HPSE2: variants seen among roughly 807,000 people sequenced by gnomAD.
HPSE2 encodes heparanase 2 (inactive).
A neutral mutation model predicts 60.5 loss-of-function variants in HPSE2; 38 were observed. The ratio of observed to expected loss-of-function variants is 0.63; its 90% CI spans 0.48 to 0.82. The LOEUF (loss-of-function observed/expected upper bound fraction) is 0.82, where lower values mean the gene tolerates loss of function less well. Ranked by LOEUF, HPSE2 falls within the 40% of genes least tolerant of loss-of-function variation. HPSE2 has a pLI of 0.00. For missense variants in HPSE2, 713 were observed against 740.4 expected (o/e 0.96, Z 0.43); for synonymous variants, 295 against 293.2 (o/e 1.01, Z -0.06).
chr10:98,740,284 T>C (rs1949465880), intron 4 of HPSE2, among the ~76,000 whole-genome samples: 1 of 151,314 alleles, frequency 6.6e-6, no homozygotes, highest in African/African-American at 2.4e-5. Context: ...CAAGTGACCC[T>C]CCAGCCTCAG....
chr10:98,543,607 G>A (rs1162238293), intron 9 of HPSE2, among the ~76,000 whole-genome samples: 3 of 151,980 alleles, frequency 2.0e-5, no homozygotes, highest in South Asian at 2.1e-4. Context: ...AGACACACAT[G>A]GGCTCAAAAT....
At chr10:98,902,885 T>C (rs1219743076) in intron 3 of HPSE2, among the ~76,000 whole-genome samples, 1 of 152,062 alleles carries the variant, frequency 6.6e-6, no homozygotes, top group Non-Finnish European at 1.5e-5. Context: ...TTTCCTCAAA[T>C]GGGTAAACCA....
chr10:98,926,775 T>C (rs1030052267), intron 3 of HPSE2, among the ~76,000 whole-genome samples: 39 of 152,196 alleles, frequency 2.6e-4, no homozygotes, highest in Non-Finnish European at 2.1e-4. Context: ...CCCTTACTTA[T>C]CCTTATTTTT....
intron 3 of HPSE2, among the ~76,000 whole-genome samples, chr10:99,099,037 C>G (rs1843831873): frequency 6.6e-6 from 1 of 152,098 alleles, no homozygotes; most frequent in Non-Finnish European, 1.5e-5. Flanking sequence ...CAAATAGGAA[C>G]AGCTCCAGTC....
chr10:98,829,298 G>T (rs539945946), intron 3 of HPSE2, among the ~76,000 whole-genome samples: 2 of 152,132 alleles, frequency 1.3e-5, no homozygotes, highest in East Asian at 1.9e-4. Context: ...GGGAGGCCGA[G>T]GCAGGTGGAT....
At chr10:98,958,920 C>T (rs1471829419) in intron 3 of HPSE2, among the ~76,000 whole-genome samples, 2 of 152,068 alleles carry the variant, frequency 1.3e-5, no homozygotes, top group Non-Finnish European at 2.9e-5. Context: ...GTACTGGCTC[C>T]AACCACTGCT....
intron 3 of HPSE2, among the ~76,000 whole-genome samples, chr10:98,876,926 C>G (rs1952892528): frequency 2.0e-5 from 3 of 151,850 alleles, no homozygotes; most frequent in Admixed American, 2.0e-4. Context: ...AATCTCATTA[C>G]TTAATATCCT....
chr10:98,523,520 T>C (rs2133780149), intron 9 of HPSE2, among the ~76,000 whole-genome samples: 1 of 152,342 alleles, frequency 6.6e-6, no homozygotes, highest in Admixed American at 6.5e-5. Flanking sequence ...GAAGATAGCT[T>C]ATTGAATCCC....
chr10:98,466,880 C>G (rs1208424154), intron 11 of HPSE2, among the ~76,000 whole-genome samples: 1 of 152,164 alleles, frequency 6.6e-6, no homozygotes, highest in African/African-American at 2.4e-5. Context: ...AGTGGCTTCC[C>G]GCTGATCTTA....
chr10:99,308,171 T>C, the HPSE2 span, among the ~76,000 whole-genome samples: 1 of 151,870 alleles, frequency 6.6e-6, no homozygotes, highest in Non-Finnish European at 1.5e-5. Context: ...GCAGATTCCC[T>C]GAGATCAGGA....
chr10:98,533,969 A>G (rs1007110468), intron 9 of HPSE2, among the ~76,000 whole-genome samples: 2 of 152,186 alleles, frequency 1.3e-5, no homozygotes, highest in Admixed American at 6.5e-5. Context: ...TTGGTATCCA[A>G]CAACTGTGCT....
chr10:98,919,119 C>T (rs1309219739), intron 3 of HPSE2, among the ~76,000 whole-genome samples: 2 of 152,110 alleles, frequency 1.3e-5, no homozygotes, highest in East Asian at 3.8e-4. Flanking sequence ...GTGATCAATG[C>T]TGACTAGAAA....
chr10:99,046,985 A>G (rs1438865385), intron 3 of HPSE2, among the ~76,000 whole-genome samples: 1 of 152,102 alleles, frequency 6.6e-6, no homozygotes, highest in Non-Finnish European at 1.5e-5. Context: ...CATATGGAAT[A>G]ACAACAAAAA....
intron 3 of HPSE2, among the ~76,000 whole-genome samples, chr10:99,065,408 A>C (rs1328000647): frequency 6.6e-6 from 1 of 152,190 alleles, no homozygotes; most frequent in Non-Finnish European, 1.5e-5. Context: ...TGTGAAAAAC[A>C]AATTTACATT....
chr10:98,496,797 G>A (rs1437989207), intron 9 of HPSE2, among the ~76,000 whole-genome samples: 1 of 151,726 alleles, frequency 6.6e-6, no homozygotes, highest in Non-Finnish European at 1.5e-5. Context: ...TTTAATTTTG[G>A]TAGTAACAAT....
intron 4 of HPSE2, among the ~76,000 whole-genome samples, chr10:98,723,293 G>C (rs138977286): frequency 0.015 from 2,294 of 152,168 alleles, 32 homozygotes; most frequent in African/African-American, 0.03. Flanking sequence ...TTGAACCAGC[G>C]TTGCATCCCA....
intron 2 of HPSE2, among the ~76,000 whole-genome samples, chr10:99,179,522 G>A (rs1847671485): frequency 6.6e-6 from 1 of 152,082 alleles, no homozygotes; most frequent in African/African-American, 2.4e-5. Flanking sequence ...TTGCTACTAA[G>A]AGAATAAAAT....
chr10:98,951,238 G>C (rs541643245), intron 3 of HPSE2, among the ~76,000 whole-genome samples: 1 of 152,244 alleles, frequency 6.6e-6, no homozygotes, highest in South Asian at 2.1e-4. Context: ...CCGCAGACTT[G>C]TCTCCAACTA....
chr10:98,899,535 A>G (rs1448991329), intron 3 of HPSE2, among the ~76,000 whole-genome samples: 1 of 152,226 alleles, frequency 6.6e-6, no homozygotes, highest in Non-Finnish European at 1.5e-5. Context: ...AAAGGAATAT[A>G]GATGGCAAAT....
Sources: gnomAD v4.1 joint callset for allele counts (sites outside exome capture counted in the v4.1 genomes callset) on GRCh38, gnomAD v4.1.1 for gene constraint, MANE v1.5 for transcripts, NCBI Gene and HGNC (gene_info 2026-07-23, HGNC 2026-07-21) for gene names.